SCOC: variants seen among roughly 807,000 people sequenced by gnomAD.
The protein encoded by SCOC is short coiled-coil protein, also known as short coiled coil protein.
A neutral mutation model predicts 9.9 loss-of-function variants in SCOC; 7 were observed. The ratio of observed to expected loss-of-function variants is 0.71; its 90% confidence interval spans 0.40 to 1.33. The LOEUF is 1.33. Ranked by LOEUF, SCOC falls within the 40% of genes most tolerant of loss-of-function variation. SCOC has a pLI of 0.01. For missense variants in SCOC, 66 were observed against 89.7 expected (o/e 0.74, Z 1.07); for synonymous variants, 19 against 28.2 (o/e 0.67, Z 1.03).
chr4:140,319,844 A>G (rs1465161816), intron 1 of SCOC, among the ~76,000 whole-genome samples: 1 of 152,210 alleles, frequency 6.6e-6, no homozygotes, highest in Non-Finnish European at 1.5e-5. Context: ...CTTAAAACCA[A>G]GAGAAAGACA....
At chr4:140,297,272 G>T (rs113392709) in intron 1 of SCOC, among the ~76,000 whole-genome samples, 18 of 117,212 alleles carry the variant, frequency 1.5e-4, no homozygotes, top group African/African-American at 6.8e-4. Flanking sequence ...GTGACTGTGG[G>T]GGGGGGGGCA....
At chr4:140,274,262 G>A (rs1024116957) in intron 1 of SCOC, among the ~76,000 whole-genome samples, 1 of 152,230 alleles carries the variant, frequency 6.6e-6, no homozygotes, top group East Asian at 1.9e-4. Context: ...TTATGAGAAA[G>A]GAATTTGAAA....
upstream of SCOC, among the ~76,000 whole-genome samples, chr4:140,369,637 T>G (rs1727954883): frequency 6.6e-6 from 1 of 152,134 alleles, no homozygotes; most frequent in Non-Finnish European, 1.5e-5. Flanking sequence ...TATTTATCAT[T>G]TCTTCCCCCA....
At chr4:140,303,619 G>C (rs1357336960) in intron 1 of SCOC, among the ~76,000 whole-genome samples, 1 of 152,168 alleles carries the variant, frequency 6.6e-6, no homozygotes, top group African/African-American at 2.4e-5. Context: ...AGGTTCCTCT[G>C]TCCTTTCTAT....
At chr4:140,293,006 C>T (rs1731519630) in intron 1 of SCOC, among the ~76,000 whole-genome samples, 1 of 152,234 alleles carries the variant, frequency 6.6e-6, no homozygotes, top group Admixed American at 6.5e-5. Flanking sequence ...GGCCCTCTGG[C>T]TCCCACTCTT....
At chr4:140,306,302 A>G (rs1481821975) in intron 1 of SCOC, among the ~76,000 whole-genome samples, 1 of 152,114 alleles carries the variant, frequency 6.6e-6, no homozygotes, top group Admixed American at 6.5e-5. Context: ...CCCTTGATTC[A>G]ATTACCTCTC....
At chr4:140,341,863 G>A (rs1022591128), upstream of SCOC, among the ~76,000 whole-genome samples, 2 of 152,122 alleles carry the variant, frequency 1.3e-5, no homozygotes, top group African/African-American at 4.8e-5. Context: ...CTCCTCTTAT[G>A]GTCAACTTTG....
At chr4:140,295,343 C>A (rs888891694) in intron 1 of SCOC, among the ~76,000 whole-genome samples, 2 of 152,050 alleles carry the variant, frequency 1.3e-5, no homozygotes. Flanking sequence ...AAAAAAAAAT[C>A]TCAGAAGGCC....
chr4:140,369,844 A>C (rs1578873626), upstream of SCOC, among the ~76,000 whole-genome samples: 1 of 95,122 alleles, frequency 1.1e-5, no homozygotes, highest in Admixed American at 1.1e-4. Flanking sequence ...GCCTTTCCTT[A>C]TTCAGAAGGG....
chr4:140,357,725 G>A (rs1050221190), intron 2 of SCOC, among the ~76,000 whole-genome samples: 3 of 152,176 alleles, frequency 2.0e-5, no homozygotes, highest in Non-Finnish European at 2.9e-5. Context: ...ATGCCACTTT[G>A]TCAAAATGGT....
intron 2 of SCOC, among the ~76,000 whole-genome samples, chr4:140,351,029 A>T (rs1056449804): frequency 5.0e-5 from 7 of 141,084 alleles, no homozygotes; most frequent in Non-Finnish European, 9.6e-5. Context: ...ATCTCTACTT[A>T]AAAAAAAAAA....
intron 1 of SCOC, among the ~76,000 whole-genome samples, chr4:140,260,190 T>G (rs1333906545): frequency 6.6e-6 from 1 of 152,254 alleles, no homozygotes; most frequent in East Asian, 1.9e-4. Context: ...TCCTCACAGA[T>G]CTCACAGATG....
At chr4:140,308,754 C>T (rs1371313847) in intron 1 of SCOC, among the ~76,000 whole-genome samples, 1 of 152,242 alleles carries the variant, frequency 6.6e-6, no homozygotes, top group African/African-American at 2.4e-5. Flanking sequence ...AGCAAAGCTG[C>T]TTCCTCCTGC....
intron 2 of SCOC, 64 bp from the exon 3 acceptor site, chr4:140,379,505 A>G (rs1728480683): frequency 8.4e-7 from 1 of 1,190,664 alleles, no homozygotes; most frequent in Non-Finnish European, 1.2e-6. Flanking sequence ...CAGATTTTTA[A>G]GTGCTACCCT....
intron 1 of SCOC, among the ~76,000 whole-genome samples, chr4:140,306,810 C>A (rs1274105723): frequency 6.6e-6 from 1 of 152,118 alleles, no homozygotes; most frequent in Non-Finnish European, 1.5e-5. Flanking sequence ...ATCGACATTC[C>A]CTTGCACAGT....
At chr4:140,269,312 A>C (rs1192719636) in intron 1 of SCOC, among the ~76,000 whole-genome samples, 2 of 152,202 alleles carry the variant, frequency 1.3e-5, no homozygotes, top group African/African-American at 4.8e-5. Flanking sequence ...GAAAGTGACA[A>C]AATGGGATTT....
chr4:140,366,555 G>T, intron 2 of SCOC: 1 of 1,588,914 alleles, frequency 6.3e-7, no homozygotes, highest in Non-Finnish European at 8.6e-7. Context: ...CTGTCATCTT[G>T]GCTTTCCTTT....
In SCOC at chr4:140,381,192, G is replaced by A; in HGVS notation, c.*88G>A. On this transcript the variant is annotated 3_prime_UTR_variant, in exon 4 of 4. Coordinates refer to ENST00000608372, the MANE Select transcript of SCOC (RefSeq NM_001153484.2). Reference sequence around the variant, plus strand: ...AGATTCCAAAAGTTACAGTACCTTTGTGGCTTCATTGAATATTTATGAAGA... The same window carrying A: ...AGATTCCAAAAGTTACAGTACCTTTATGGCTTCATTGAATATTTATGAAGA... The A allele has an allele frequency of 1.6e-6, 2 of 1,282,172 alleles. No homozygotes were observed. Among genetic ancestry groups the A allele is most frequent in the South Asian group, 3.0e-5 (2 of 67,432 alleles). 79.4% of individuals were successfully genotyped at this position (1,282,172 alleles called of 1,614,324 possible).
At chr4:140,303,489 C>T (rs1317292496) in intron 1 of SCOC, among the ~76,000 whole-genome samples, 1 of 152,198 alleles carries the variant, frequency 6.6e-6, no homozygotes, top group East Asian at 1.9e-4. Flanking sequence ...CCTGGTGACA[C>T]TCAACACTTT....
Sources: allele counts gnomAD v4.1 joint callset (sites outside exome capture counted in the v4.1 genomes callset), GRCh38; gene constraint gnomAD v4.1.1; transcripts MANE v1.5; gene names NCBI Gene and HGNC (gene_info 2026-07-23, HGNC 2026-07-21).